The following ASAP3 variants were observed in gnomAD, a reference collection of about 807,000 sequenced individuals.
ASAP3 encodes arf-GAP with SH3 domain, ANK repeat and PH domain-containing protein 3.
In ASAP3, 85 loss-of-function variants were observed where a neutral mutation model predicts 118.2. That is an observed-to-expected ratio of 0.72 (90% CI 0.60 to 0.86). The LOEUF (loss-of-function observed/expected upper bound fraction) is 0.86, where lower values mean the gene tolerates loss of function less well. ASAP3 is among the 40% of genes least tolerant of loss of function. The pLI is 0.00. For synonymous variants in ASAP3, 432 were observed against 477.4 expected (o/e 0.90, Z 1.24); for missense variants, 1,026 against 1,175.0 (o/e 0.87, Z 1.85).
Position 23,429,706 on chromosome 1 carries a change from G to C in ASAP3, c.*150C>G. ...TGTGTCCTTGGTAGAGGCATGGCCT[G>C]TGGCAGGAAGAAGGCCAGCTACAGA... On this transcript the variant is annotated 3_prime_UTR_variant, in exon 25 of 25. Coordinates refer to ENST00000336689, the MANE Select transcript of ASAP3 (RefSeq NM_017707.4). 1 of 723,458 alleles carries C rather than the reference G, an allele frequency of 1.4e-6. No homozygotes were observed. The highest frequency in any genetic ancestry group is 2.8e-5 in the East Asian group (1 of 35,314). 44.8% of individuals were successfully genotyped at this position (723,458 alleles called of 1,614,324 possible).
At chr1:23,433,312 C>T (rs1386221604) in intron 21 of ASAP3, 40 bp from the exon 22 acceptor site, 1 of 1,605,304 alleles carries the variant, frequency 6.2e-7, no homozygotes, top group South Asian at 1.1e-5. Context: ...CAGCCTGGTT[C>T]CTCCGGTGTA....
At chr1:23,451,558 G>A (rs1641215137) in intron 4 of ASAP3, 30 bp from the exon 5 acceptor site, 1 of 1,609,656 alleles carries the variant, frequency 6.2e-7, no homozygotes, top group African/African-American at 1.3e-5. Flanking sequence ...AATTTGCCCA[G>A]AGGGAAGCTG....
At chr1:23,478,912 T>C (rs1009060748) in intron 1 of ASAP3, among the ~76,000 whole-genome samples, 127 of 152,188 alleles carry the variant, frequency 8.3e-4, no homozygotes, top group Non-Finnish European at 1.3e-4. Context: ...CTGGACTGTG[T>C]GAAATAAAGA....
intron 1 of ASAP3, among the ~76,000 whole-genome samples, chr1:23,480,424 C>T (rs74062728): frequency 0.021 from 3,196 of 152,212 alleles, 106 homozygotes; most frequent in African/African-American, 0.074. Flanking sequence ...TTGTCCTCTC[C>T]GATAAATGGG....
At chr1:23,451,356 A>G in intron 5 of ASAP3, 123 bp downstream of exon 5, 3 of 1,070,428 alleles carry the variant, frequency 2.8e-6, no homozygotes, top group Non-Finnish European at 4.3e-6. Flanking sequence ...TCTGCTGTAA[A>G]TGCCTCTACA....
chr1:23,433,215 T>G lies in ASAP3; in HGVS notation c.2185A>C (p.Ser729Arg), dbSNP rs766753572. Reference sequence around the variant, plus strand: ...GCGACAGTCTCATAGGTCTTGTTGCTGATGTCCAGCCTCCCACTGGCCCAG... The same window carrying G: ...GCGACAGTCTCATAGGTCTTGTTGCGGATGTCCAGCCTCCCACTGGCCCAG... ...AHWASGRLDI[S>R]NKTYETVASL... Residue 729 changes from serine to arginine, a missense_variant, in exon 22 of 25, where the codon AGC becomes CGC. Ser to Arg is a moderately radical substitution (Grantham distance 110). Coordinates refer to ENST00000336689, the MANE Select transcript of ASAP3 (RefSeq NM_017707.4). 1.2e-6 allele frequency: 2 copies of G among 1,613,584 alleles called. No individual in the cohort carries two copies. Among genetic ancestry groups the G allele is most frequent in the African/African-American group, 2.7e-5 (2 of 74,924 alleles).
At position 23,431,747 on chromosome 1, in the gene ASAP3, C is replaced by T. The variant is rs994330797; in HGVS notation, c.2495G>A (p.Ser832Asn). The change falls in exon 23 of 25, where the codon AGC becomes AAC. Residue 832 changes from serine to asparagine, a missense_variant. Coordinates refer to ENST00000336689, the MANE Select transcript of ASAP3 (RefSeq NM_017707.4). ...CGAAGGGGTGGTCCCGGATGTCAGG[C>T]TGGGTCTGGAGGTGCCTGGGGGCTC... ...LREPPGTSRP[S>N]LTSGTTPSEM... 7.9e-6 allele frequency: 12 copies of T among 1,523,408 alleles called. No individual in the cohort carries two copies. The Admixed American group carries it at 9.1e-5, about 12-fold the overall frequency. 94.4% of individuals were successfully genotyped at this position (1,523,408 alleles called of 1,614,324 possible). A position where few individuals can be genotyped will look rare whatever the true frequency, so the allele number is the denominator to read the frequency against.
At chr1:23,442,328 G>C in intron 6 of ASAP3, 57 bp from the exon 7 acceptor site, 1 of 1,570,136 alleles carries the variant, frequency 6.4e-7, no homozygotes, top group Non-Finnish European at 8.7e-7. Context: ...TCCTGGGAAC[G>C]AGGGGCTGCA....
intron 7 of ASAP3, among the ~76,000 whole-genome samples, chr1:23,441,960 T>G (rs1032762061): frequency 1.4e-4 from 21 of 152,106 alleles, no homozygotes; most frequent in African/African-American, 4.8e-4. Context: ...ATCTATAAAA[T>G]GGGGATAATA....
At chr1:23,471,526 T>C (rs888666220) in intron 1 of ASAP3, among the ~76,000 whole-genome samples, 4 of 152,342 alleles carry the variant, frequency 2.6e-5, no homozygotes, top group African/African-American at 9.6e-5. Flanking sequence ...AATGATTAAA[T>C]GTATGAATAC....
chr1:23,460,550 CAAAT>C (rs1027201310), intron 1 of ASAP3, among the ~76,000 whole-genome samples: 2 of 145,536 alleles, frequency 1.4e-5, no homozygotes, highest in African/African-American at 2.5e-5. Flanking sequence ...CACACACACA[CAAAT>C]AAATAAATAA....
intron 24 of ASAP3, among the ~76,000 whole-genome samples, chr1:23,430,259 C>T (rs764559884): frequency 6.6e-6 from 1 of 152,164 alleles, no homozygotes; most frequent in Non-Finnish European, 1.5e-5. Context: ...GATGACGATT[C>T]CCCAGACAGA....
rs1247642331 is a variant in ASAP3 at position 23,435,898 on chromosome 1, C to T, written c.1702G>A (p.Ala568Thr). 1 of 1,614,140 alleles carries T rather than the reference C, an allele frequency of 6.2e-7. No individual in the cohort carries two copies. Among genetic ancestry groups the T allele is most frequent in the African/African-American group, 1.3e-5 (1 of 74,940 alleles). Reference sequence around the variant, plus strand: ...GGCTGTCCAAAGTCCTGCCCATTGGCAAAGGCCTCCAGTACCGACAGGAGG... The same window carrying T: ...GGCTGTCCAAAGTCCTGCCCATTGGTAAAGGCCTCCAGTACCGACAGGAGG... ...RDLLSVLEAFANGQDFGQPLP... is the reference protein window; with the variant it reads ...RDLLSVLEAFTNGQDFGQPLP... Residue 568 changes from alanine (A) to threonine (T), a missense_variant, in exon 17 of 25, where the codon GCC (alanine) becomes ACC (threonine). Transcript: ENST00000336689.
intron 3 of ASAP3, 83 bp downstream of exon 3, chr1:23,455,798 A>AG: frequency 6.5e-7 from 1 of 1,547,854 alleles, no homozygotes; most frequent in Non-Finnish European, 8.8e-7. Flanking sequence ...GGGAGAAGGA[A>AG]GGAAACGGAC....
chr1:23,459,945 A>G (rs558336219), intron 1 of ASAP3, among the ~76,000 whole-genome samples: 3 of 152,276 alleles, frequency 2.0e-5, no homozygotes, highest in South Asian at 2.1e-4. Context: ...TAAAGACTAC[A>G]TTTCCTACCT....
In ASAP3 at chr1:23,437,603, A is replaced by G. The variant is rs1399291865; in HGVS notation, c.1103-131T>C. 3 of 1,144,780 alleles carry G rather than the reference A, an allele frequency of 2.6e-6. No homozygotes were observed. The highest frequency in any genetic ancestry group is 2.5e-6 in the Non-Finnish European group (2 of 806,536). The allele number at this position is 1,144,780 out of a possible 1,614,324, so 70.9% of individuals were successfully genotyped here. The stretch of plus-strand genomic sequence containing the variant: ...TGACAAGTCGGACTCTCAAGCTAGG[A>G]GTGGGAAGGGAGTGGAATGACAGTG... On this transcript the variant is annotated intron_variant, in intron 12 of 24. Transcript: ENST00000336689. This position sits in a 1 kb window ranked among gnomAD's most constrained non-coding sequence, Gnocchi z 6.1.
intron 1 of ASAP3, among the ~76,000 whole-genome samples, chr1:23,468,679 TTTAGTTG>T (rs879309699): frequency 0.79 from 120,050 of 151,414 alleles, 48,690 homozygotes; most frequent in Middle Eastern, 0.91. Context: ...GAGACCATCC[TTTAGTTG>T]AGATAGGGTG....
intron 1 of ASAP3, among the ~76,000 whole-genome samples, chr1:23,461,689 CAAAA>C (rs1641592731): frequency 6.7e-6 from 1 of 149,876 alleles, no homozygotes. Flanking sequence ...AAAAAAAAAA[CAAAA>C]GAAAAAAGGG....
chr1:23,451,764 G>C (rs1025404892), intron 4 of ASAP3, among the ~76,000 whole-genome samples: 5 of 152,150 alleles, frequency 3.3e-5, no homozygotes, highest in Admixed American at 1.3e-4. Context: ...CTCCTCCCCA[G>C]AGATGCCAAG....
Sources: gnomAD v4.1 joint callset for allele counts (sites outside exome capture counted in the v4.1 genomes callset) on GRCh38, gnomAD v4.1.1 for gene constraint, Gnocchi (gnomAD v3.1) non-coding constraint, MANE v1.5 for transcripts, NCBI Gene and HGNC (gene_info 2026-07-23, HGNC 2026-07-21) for gene names.